NRG1: variants seen among roughly 807,000 people sequenced by gnomAD.
NRG1 encodes pro-neuregulin-1, membrane-bound isoform.
A neutral mutation model predicts 63.8 loss-of-function variants in NRG1; 18 were observed. The ratio of observed to expected loss-of-function variants is 0.28; its 90% CI spans 0.19 to 0.42. The LOEUF (loss-of-function observed/expected upper bound fraction) is 0.42, where lower values mean the gene tolerates loss of function less well. Ranked by LOEUF, NRG1 falls within the 10% of genes least tolerant of loss-of-function variation. NRG1 has a pLI of 1.00. For missense variants in NRG1, 762 were observed against 814.7 expected, an observed-to-expected ratio of 0.94 and a Z score of 0.79; for synonymous variants, 302 against 301.3, an observed-to-expected ratio of 1.00 and a Z score of -0.02.
chr8:32,306,223 G>C (rs1315841234), intron 1 of NRG1, among the ~76,000 whole-genome samples: 2 of 152,192 alleles, frequency 1.3e-5, no homozygotes, highest in Non-Finnish European at 2.9e-5. Flanking sequence ...GAATTTACTT[G>C]AGATGACTCA....
intron 1 of NRG1, among the ~76,000 whole-genome samples, chr8:32,188,268 T>C (rs146487832): frequency 0.017 from 2,650 of 152,268 alleles, 40 homozygotes; most frequent in Non-Finnish European, 0.027. Flanking sequence ...GGTTTCACCA[T>C]GGTGGCCAGG....
intron 1 of NRG1, among the ~76,000 whole-genome samples, chr8:32,176,846 G>A (rs1223088356): frequency 6.6e-6 from 1 of 152,148 alleles, no homozygotes; most frequent in Non-Finnish European, 1.5e-5. Context: ...TGGAGAGGAT[G>A]TGGAGAAATA....
At chr8:31,792,047 T>A (rs188670638) in intron 1 of NRG1, among the ~76,000 whole-genome samples, 1 of 152,252 alleles carries the variant, frequency 6.6e-6, no homozygotes, top group East Asian at 1.9e-4. Flanking sequence ...TCCCTCCACA[T>A]CTTATAGCTT....
intron 1 of NRG1, among the ~76,000 whole-genome samples, chr8:32,105,375 G>T (rs926397845): frequency 1.3e-5 from 2 of 152,148 alleles, no homozygotes; most frequent in African/African-American, 4.8e-5. Flanking sequence ...AAGGTGGAAG[G>T]CACCTCTCAC....
At chr8:32,110,144 C>T (rs1214446928) in intron 1 of NRG1, among the ~76,000 whole-genome samples, 1 of 152,124 alleles carries the variant, frequency 6.6e-6, no homozygotes, top group African/African-American at 2.4e-5. Context: ...TGCTAGAAAT[C>T]ATTAAGAGTG....
chr8:31,882,154 C>T (rs529672679), intron 1 of NRG1, among the ~76,000 whole-genome samples: 60 of 151,912 alleles, frequency 3.9e-4, no homozygotes, highest in Middle Eastern at 6.8e-3. Flanking sequence ...GACCTTAAGT[C>T]GAAGCCCATG....
chr8:32,194,983 A>C (rs978233858), intron 1 of NRG1, among the ~76,000 whole-genome samples: 3 of 152,218 alleles, frequency 2.0e-5, no homozygotes, highest in African/African-American at 7.2e-5. Context: ...AGTGACTAGA[A>C]TGATTGATTT....
At chr8:31,957,190 G>GTTTTTTTTTTTTTTTTTT (rs5890609) in intron 1 of NRG1, among the ~76,000 whole-genome samples, 1 of 147,936 alleles carries the variant, frequency 6.8e-6, no homozygotes, top group African/African-American at 2.5e-5. Flanking sequence ...AAATCAAAGA[G>GTTTTTTTTTTTTTTTTTT]TTTTTTTTTT....
At chr8:32,275,047 C>T (rs911173549) in intron 1 of NRG1, among the ~76,000 whole-genome samples, 3 of 152,052 alleles carry the variant, frequency 2.0e-5, no homozygotes, top group African/African-American at 4.8e-5. Context: ...TACCCCACAG[C>T]CAGATGCTTG....
chr8:32,506,587 T>A (rs574380814), intron 1 of NRG1, among the ~76,000 whole-genome samples: 2 of 152,240 alleles, frequency 1.3e-5, no homozygotes, highest in South Asian at 4.1e-4. Context: ...ATCACAAAAG[T>A]CGCAATACCC....
At chr8:32,624,893 C>A (rs1327271092) in intron 5 of NRG1, among the ~76,000 whole-genome samples, 2 of 152,096 alleles carry the variant, frequency 1.3e-5, no homozygotes, top group South Asian at 2.1e-4. Flanking sequence ...TTCCTAGTTT[C>A]TTTTACCAGA....
intron 1 of NRG1, among the ~76,000 whole-genome samples, chr8:31,723,258 T>C (rs1005546159): frequency 5.9e-5 from 9 of 152,172 alleles, no homozygotes; most frequent in African/African-American, 2.2e-4. Context: ...GTTCATCCTG[T>C]TGGTCTGTGT....
intron 1 of NRG1, among the ~76,000 whole-genome samples, chr8:32,169,913 T>C (rs1195988837): frequency 6.6e-6 from 1 of 152,212 alleles, no homozygotes; most frequent in Non-Finnish European, 1.5e-5. Context: ...GATGAGGTTA[T>C]ACTCAAGTAA....
At chr8:32,770,331 AG>A (rs1213704856), downstream of NRG1, among the ~76,000 whole-genome samples, 1 of 152,174 alleles carries the variant, frequency 6.6e-6, no homozygotes, top group African/African-American at 2.4e-5. Context: ...AGGCTCAGGA[AG>A]GTTAAAATCT....
chr8:31,926,605 A>G (rs985926193), intron 1 of NRG1, among the ~76,000 whole-genome samples: 1 of 152,144 alleles, frequency 6.6e-6, no homozygotes, highest in Non-Finnish European at 1.5e-5. Flanking sequence ...CAATATCCTC[A>G]TATGTGCAAT....
chr8:32,157,013 A>G lies in NRG1; in HGVS notation c.38-438815A>G, dbSNP rs562792963. Among the ~76,000 whole-genome samples the G allele has an allele frequency of 4.6e-5, 7 of 151,420 alleles. No individual in the cohort carries two copies. In the South Asian group the frequency reaches 6.2e-4, roughly 14 times the overall value. On this transcript the variant is annotated intron_variant, in intron 1 of 10. Coordinates refer to the NRG1 transcript ENST00000519301. ...CTAACATTGCCTCCAACCAAGTCTC[A>G]ATATGCTCCAAAAAGAAATACTTCA...
intron 1 of NRG1, among the ~76,000 whole-genome samples, chr8:32,474,131 T>C (rs530327832): frequency 1.1e-4 from 17 of 152,356 alleles, no homozygotes; most frequent in African/African-American, 3.8e-4. Context: ...ACAGCACTCA[T>C]ATAAATTTTG....
intron 1 of NRG1, among the ~76,000 whole-genome samples, chr8:32,527,070 C>T (rs1350833653): frequency 6.6e-6 from 1 of 152,190 alleles, no homozygotes; most frequent in African/African-American, 2.4e-5. Flanking sequence ...GACTCAAAGA[C>T]ATTGCAAACT....
chr8:32,038,766 C>T (rs1169140807), intron 1 of NRG1, among the ~76,000 whole-genome samples: 4 of 152,080 alleles, frequency 2.6e-5, no homozygotes, highest in Admixed American at 2.0e-4. Flanking sequence ...TTCCCCCAAG[C>T]AGTCAGGCTT....
Sources: gnomAD v4.1 joint callset for allele counts (sites outside exome capture counted in the v4.1 genomes callset) on GRCh38, gnomAD v4.1.1 for gene constraint, MANE v1.5 for transcripts, NCBI Gene and HGNC (gene_info 2026-07-23, HGNC 2026-07-21) for gene names.